FKBP9: variants seen among roughly 807,000 people sequenced by gnomAD.
The protein encoded by FKBP9 is FKBP prolyl isomerase 9, also known as peptidyl-prolyl cis-trans isomerase FKBP9.
In FKBP9, 27 loss-of-function variants were observed where a neutral mutation model predicts 55.6. The ratio of observed to expected loss-of-function variants is 0.49; its 90% CI spans 0.36 to 0.67. The LOEUF (loss-of-function observed/expected upper bound fraction) is 0.67. Ranked by LOEUF, FKBP9 falls within the 30% of genes least tolerant of loss-of-function variation. The pLI, the probability that FKBP9 is intolerant of heterozygous loss-of-function variation, is 0.00. For missense variants in FKBP9, 539 were observed against 742.8 expected, an observed-to-expected ratio of 0.73 and a Z score of 3.19; for synonymous variants, 267 against 296.5, an observed-to-expected ratio of 0.90 and a Z score of 1.02.
rs145423940 is a variant in FKBP9, at chr7:33,005,264, C to T, written c.1626C>T (p.Phe542=). The T allele has an allele frequency of 6.2e-6, 10 of 1,614,088 alleles. No homozygotes were observed. Among genetic ancestry groups the T allele is most frequent in the Middle Eastern group, 1.6e-4 (1 of 6,084 alleles). ...FDAELIVKNM[F]TNQDRNGDGK... Reference sequence around the variant, plus strand: ...CTGAGCTGATTGTGAAGAATATGTTCACCAACCAGGACCGGAATGGAGATG... The same window carrying T: ...CTGAGCTGATTGTGAAGAATATGTTTACCAACCAGGACCGGAATGGAGATG... The change falls in exon 10 of 10, where the codon TTC becomes TTT. Residue 542 remains phenylalanine (F), a synonymous_variant. Transcript: ENST00000242209.
intron 2 of FKBP9, 83 bp from the exon 3 acceptor site, chr7:32,975,099 C>A: frequency 1.8e-6 from 2 of 1,138,978 alleles, no homozygotes; most frequent in Non-Finnish European, 2.6e-6. Flanking sequence ...GGCCCACATT[C>A]ACCTTGGGAG....
At chr7:33,002,244 A>G (rs961959662) in intron 8 of FKBP9, among the ~76,000 whole-genome samples, 1 of 151,530 alleles carries the variant, frequency 6.6e-6, no homozygotes, top group African/African-American at 2.4e-5. Context: ...AGCAATTCTC[A>G]TGCCTCAGCT....
At chr7:33,001,871 A>G (rs560104353) in intron 8 of FKBP9, 1 of 152,286 alleles carries the variant, frequency 6.6e-6, no homozygotes, top group Non-Finnish European at 1.5e-5. Flanking sequence ...CACAAGACAC[A>G]CAGTAAGAAA....
At chr7:32,993,923 G>A (rs1236694716) in intron 6 of FKBP9, among the ~76,000 whole-genome samples, 2 of 152,134 alleles carry the variant, frequency 1.3e-5, no homozygotes, top group Non-Finnish European at 2.9e-5. Flanking sequence ...CAGTTCGTCT[G>A]GTGATGAACA....
At chr7:32,975,026 G>A (rs1784331946) in intron 2 of FKBP9, 156 bp from the exon 3 acceptor site, 5 of 677,784 alleles carry the variant, frequency 7.4e-6, no homozygotes, top group East Asian at 2.7e-5. Context: ...TTCATTTGGA[G>A]GAAAGAGGGA....
At chr7:32,959,266 G>A (rs1274590762) in intron 1 of FKBP9, among the ~76,000 whole-genome samples, 1 of 152,190 alleles carries the variant, frequency 6.6e-6, no homozygotes, top group East Asian at 1.9e-4. Flanking sequence ...TTAGCCGGGC[G>A]AGGTGGCGGG....
chr7:32,977,123 T>A (rs1415687819), intron 4 of FKBP9, among the ~76,000 whole-genome samples: 1 of 152,248 alleles, frequency 6.6e-6, no homozygotes, highest in Non-Finnish European at 1.5e-5. Flanking sequence ...TTACAACTAG[T>A]GTCCTGTTTG....
intron 6 of FKBP9, chr7:32,994,855 T>C (rs1342359194): frequency 5.6e-6 from 1 of 179,550 alleles, no homozygotes. Flanking sequence ...GAAAAGTACG[T>C]GTTGGGACAG....
chr7:32,965,822 T>TATATATATATATATATGTGTAC, intron 1 of FKBP9, among the ~76,000 whole-genome samples: 1 of 17,352 alleles, frequency 5.8e-5, no homozygotes, highest in African/African-American at 2.3e-4. Context: ...AATATATATA[T>TATATATATATATATATGTGTAC]ATATATATAT....
chr7:32,980,243 A>G (rs984436504), intron 4 of FKBP9, 121 bp from the exon 5 acceptor site: 28 of 842,700 alleles, frequency 3.3e-5, no homozygotes, highest in Non-Finnish European at 4.7e-5. Context: ...CTGGAAGAAC[A>G]TTTGTTTCCT....
In FKBP9 at chr7:32,979,627, C is replaced by T. The variant is rs953331609; in HGVS notation, c.704-737C>T. On this transcript the variant is annotated intron_variant, in intron 4 of 9. Coordinates refer to ENST00000242209, the MANE Select transcript of FKBP9 (RefSeq NM_007270.5). ...TTTGTTGGTTAACTTTCTACTATCC[C>T]AAATTACTGGATTTTGAGTTATTTA... The T allele has an allele frequency of 1.1e-5, 15 of 1,328,536 alleles. No individual in the cohort carries two copies. In the African/African-American group the frequency reaches 2.0e-4, roughly 18 times the overall value. 82.3% of individuals were successfully genotyped at this position (1,328,536 alleles called of 1,614,324 possible). A position where few individuals can be genotyped will look rare whatever the true frequency, so the allele number is the denominator to read the frequency against.
At chr7:32,991,688 C>T (rs1393681466) in intron 6 of FKBP9, among the ~76,000 whole-genome samples, 1 of 152,016 alleles carries the variant, frequency 6.6e-6, no homozygotes, top group African/African-American at 2.4e-5. Context: ...GGGAGAGGTT[C>T]TGGATCTTTC....
chr7:32,992,338 C>T (rs1784701689), intron 6 of FKBP9, among the ~76,000 whole-genome samples: 1 of 151,106 alleles, frequency 6.6e-6, no homozygotes, highest in East Asian at 2.0e-4. Flanking sequence ...ACCCACCCCC[C>T]GCAGAGGAAA....
Position 33,006,679 on chromosome 7 carries a change from A to C in FKBP9, c.*1328A>C, listed in dbSNP as rs1785048012. ...CCAGCTGCCGCAAGACAGCAATGAC[A>C]GTCCACCTGCCGACCTGATTCCTGC... On this transcript the variant is annotated 3_prime_UTR_variant, in exon 10 of 10. Transcript: ENST00000242209. 4.6e-6 allele frequency: 1 copy of C among 217,324 alleles called. No homozygotes were observed. Among genetic ancestry groups the C allele is most frequent in the Admixed American group, 5.8e-5 (1 of 17,206 alleles). The allele number at this position is 217,324 out of a possible 1,614,324, so 13.5% of individuals were successfully genotyped here. A position where few individuals can be genotyped will look rare whatever the true frequency, so the allele number is the denominator to read the frequency against.
At chr7:32,971,818 G>A (rs1784259511) in intron 1 of FKBP9, among the ~76,000 whole-genome samples, 1 of 151,986 alleles carries the variant, frequency 6.6e-6, no homozygotes, top group Non-Finnish European at 1.5e-5. Context: ...GGGAAATTTT[G>A]TAATCTCCAA....
chr7:32,959,895 C>T (rs78811678), intron 1 of FKBP9, among the ~76,000 whole-genome samples: 13,028 of 152,048 alleles, frequency 0.086, 603 homozygotes, highest in East Asian at 0.19. Context: ...ATGTTATGAA[C>T]ATTCATGTGC....
intron 9 of FKBP9, among the ~76,000 whole-genome samples, chr7:33,004,332 GCCTGTGAAGA>G (rs1784992045): frequency 6.6e-6 from 1 of 152,064 alleles, no homozygotes; most frequent in Non-Finnish European, 1.5e-5. Flanking sequence ...CCTCACAGTG[GCCTGTGAAGA>G]CCCTGCACTT....
rs11541013 is a variant in FKBP9, at chr7:33,005,686, A to G, written c.*335A>G. On this transcript the variant is annotated 3_prime_UTR_variant, in exon 10 of 10. Coordinates refer to ENST00000242209, the MANE Select transcript of FKBP9 (RefSeq NM_007270.5). ...ATAGTGTCAGACGGAAGTTATAATC[A>G]TCTTGGAGGAACCATAAGAAAAGGT... 43,249 of 262,436 alleles carry G rather than the reference A, an allele frequency of 0.16. 4,470 individuals are homozygous for G. Among genetic ancestry groups the G allele is most frequent in the Admixed American group, 0.3 (5,983 of 19,712 alleles). 16.3% of individuals were successfully genotyped at this position (262,436 alleles called of 1,614,324 possible).
intron 3 of FKBP9, among the ~76,000 whole-genome samples, chr7:32,975,797 C>A (rs528109471): frequency 7.3e-4 from 111 of 152,168 alleles, no homozygotes; most frequent in African/African-American, 2.5e-3. Context: ...CAGGCGCATG[C>A]CACCACACCA....
Sources: allele counts gnomAD v4.1 joint callset (sites outside exome capture counted in the v4.1 genomes callset), GRCh38; gene constraint gnomAD v4.1.1; transcripts MANE v1.5; gene names NCBI Gene and HGNC (gene_info 2026-07-23, HGNC 2026-07-21).